TMEM87B: variants seen among roughly 807,000 people sequenced by gnomAD.
The protein encoded by TMEM87B is transmembrane protein 87B.
TMEM87B carries 83 observed loss-of-function variants against 80.3 expected under a neutral mutation model. The observed-to-expected ratio is 1.03, with a 90% CI of 0.87 to 1.24. The LOEUF is 1.24. TMEM87B is among the 50% of genes most tolerant of loss of function. The pLI, the probability that TMEM87B is intolerant of heterozygous loss-of-function variation, is 0.00. For missense variants in TMEM87B, 625 were observed against 674.4 expected (o/e 0.93, Z 0.81); for synonymous variants, 219 against 230.5 (o/e 0.95, Z 0.45).
In TMEM87B at chr2:112,055,579, C is replaced by G. The variant is rs1469167842; in HGVS notation, c.-13C>G. The G allele has an allele frequency of 6.7e-7, 1 of 1,502,856 alleles. No individual in the cohort carries two copies. Among genetic ancestry groups the G allele is most frequent in the Admixed American group, 2.1e-5 (1 of 47,506 alleles). 93.1% of individuals were successfully genotyped at this position (1,502,856 alleles called of 1,614,324 possible). On this transcript the variant is annotated 5_prime_UTR_variant, in exon 1 of 19. Coordinates refer to ENST00000283206, the MANE Select transcript of TMEM87B (RefSeq NM_032824.3). ...AGGCGTCTCGGAGCGCCAGGTGCAG[C>G]TTCCTGGTCAAGATGGTCGCCGCCT... is the stretch of plus-strand genomic sequence containing the variant.
chr2:112,093,197 T>G (rs183745734), intron 11 of TMEM87B, among the ~76,000 whole-genome samples: 57 of 152,324 alleles, frequency 3.7e-4, no homozygotes, highest in Admixed American at 3.7e-3. Flanking sequence ...CTGAGCCACT[T>G]GTGGGTTGTT....
intron 16 of TMEM87B, 55 bp downstream of exon 16, chr2:112,106,130 T>A: frequency 8.9e-7 from 1 of 1,126,120 alleles, no homozygotes; most frequent in Non-Finnish European, 1.2e-6. Context: ...TTCACTACTT[T>A]AGAGAGCTAT....
chr2:112,106,058 G>A lies in TMEM87B; in HGVS notation c.1507G>A (p.Ala503Thr), dbSNP rs868413197. The change falls in exon 16 of 19, where the codon GCC becomes ACC. Residue 503 changes from alanine to threonine, a missense_variant. Physicochemically the swap from Ala to Thr is moderately conservative, Grantham distance 58 (BLOSUM62 0). Coordinates refer to ENST00000283206, the MANE Select transcript of TMEM87B (RefSeq NM_032824.3). ...KSVSNGTAKPATSENFDEDLK... is the reference protein window; with the variant it reads ...KSVSNGTAKPTTSENFDEDLK... ...AGTTTCCAATGGAACAGCTAAGCCT[G>A]CCACTTCTGAGAACTTTGTGAGTAT... 2.6e-6 allele frequency: 4 copies of A among 1,562,530 alleles called. No individual in the cohort carries two copies. The highest frequency in any genetic ancestry group is 1.2e-5 in the South Asian group (1 of 81,824).
At chr2:112,093,986 A>ATT (rs1045951004) in intron 11 of TMEM87B, among the ~76,000 whole-genome samples, 34 of 152,158 alleles carry the variant, frequency 2.2e-4, no homozygotes, top group Non-Finnish European at 5.9e-5. Flanking sequence ...AAATGAGCTG[A>ATT]TTATATCTAT....
intron 4 of TMEM87B, among the ~76,000 whole-genome samples, chr2:112,071,201 T>G (rs4848992): frequency 4.0e-5 from 6 of 151,732 alleles, no homozygotes; most frequent in African/African-American, 1.5e-4. Context: ...CATTGTAGAG[T>G]TCATTCACCC....
intron 4 of TMEM87B, among the ~76,000 whole-genome samples, chr2:112,067,332 G>A (rs1678466408): frequency 1.3e-5 from 2 of 152,198 alleles, no homozygotes; most frequent in South Asian, 4.1e-4. Context: ...ACGTGGCTGG[G>A]CGCGGTGGCT....
rs6707489 is a variant in TMEM87B, at chr2:112,089,577, C to G, written c.939-48C>G. The G allele has an allele frequency of 1.9e-3, 2,938 of 1,559,526 alleles. 57 individuals are homozygous for G. The African/African-American group carries it at 0.035, about 19-fold the overall frequency. On this transcript the variant is annotated intron_variant, in intron 9 of 18. Transcript: ENST00000283206. ...AGTTACTGTATTCAGGTGCATTTTA[C>G]TCACCCATGCTTTTTCTTCTTTCTC...
chr2:112,072,652 T>G (rs1678686131), intron 4 of TMEM87B, among the ~76,000 whole-genome samples: 2 of 152,142 alleles, frequency 1.3e-5, no homozygotes, highest in Non-Finnish European at 2.9e-5. Context: ...TATTGGATCC[T>G]CTGTCTTTTC....
chr2:112,079,580 G>A (rs1017887149), intron 6 of TMEM87B, among the ~76,000 whole-genome samples: 2 of 152,206 alleles, frequency 1.3e-5, no homozygotes, highest in Non-Finnish European at 2.9e-5. Flanking sequence ...ACATGGGGGT[G>A]CAGACAGCTC....
intron 2 of TMEM87B, among the ~76,000 whole-genome samples, chr2:112,063,847 T>C (rs1308618298): frequency 1.3e-5 from 2 of 152,252 alleles, no homozygotes; most frequent in Non-Finnish European, 2.9e-5. Flanking sequence ...TCACTCAGTA[T>C]ATTTTGAATG....
intron 8 of TMEM87B, among the ~76,000 whole-genome samples, chr2:112,082,642 T>C (rs1679031150): frequency 6.6e-6 from 1 of 151,912 alleles, no homozygotes. Context: ...CACTACTCTG[T>C]AAGAAGTTTT....
intron 11 of TMEM87B, among the ~76,000 whole-genome samples, chr2:112,092,309 CAG>C (rs896725929): frequency 2.0e-5 from 3 of 152,110 alleles, no homozygotes; most frequent in African/African-American, 4.8e-5. Flanking sequence ...AGCAGGAAAA[CAG>C]AGGGGGACAG....
chr2:112,107,357 C>CAA (rs35280651), intron 16 of TMEM87B, among the ~76,000 whole-genome samples: 28,418 of 83,666 alleles, frequency 0.34, 4,205 homozygotes, highest in Middle Eastern at 0.5. Flanking sequence ...GACTCTGTCT[C>CAA]AAAAAAAAAA....
chr2:112,098,589 T>A lies in TMEM87B; in HGVS notation c.1273-6T>A. 6.2e-7 allele frequency: 1 copy of A among 1,613,920 alleles called. No homozygotes were observed. The highest frequency in any genetic ancestry group is 1.3e-5 in the African/African-American group (1 of 75,042). Reference sequence around the variant, plus strand: ...ACGTTTCATGCTTGAATTGTCCTTCTTTTAGGATTGGATGGAACGCTGGGT... The same window carrying A: ...ACGTTTCATGCTTGAATTGTCCTTCATTTAGGATTGGATGGAACGCTGGGT... On this transcript the variant is annotated splice_polypyrimidine_tract_variant and splice_region_variant and intron_variant, in intron 13 of 18. Coordinates refer to ENST00000283206, the MANE Select transcript of TMEM87B (RefSeq NM_032824.3).
chr2:112,087,818 A>G (rs10175143), intron 9 of TMEM87B, among the ~76,000 whole-genome samples: 75,612 of 151,838 alleles, frequency 0.5, 19,327 homozygotes, highest in East Asian at 0.87. Flanking sequence ...GTATTGCTCT[A>G]TTGAGACTGC....
chr2:112,097,286 C>T lies in TMEM87B; in HGVS notation c.1267C>T (p.Gln423Ter), dbSNP rs772593501. 6.9e-6 allele frequency: 11 copies of T among 1,603,426 alleles called. No homozygotes were observed. The highest frequency in any genetic ancestry group is 1.7e-5 in the Admixed American group (1 of 57,398). ...TTKTFRIAKC[Q>*]SDWMERWVDD... Reference sequence around the variant, plus strand: ...TAAGACATTTAGAATTGCAAAATGCCAATCAGTAAGTATAACCTTCCTATT... The same window carrying T: ...TAAGACATTTAGAATTGCAAAATGCTAATCAGTAAGTATAACCTTCCTATT... Residue 423 changes from glutamine to a stop codon, truncating the protein, a stop_gained, in exon 13 of 19, where the codon CAA (glutamine) becomes TAA (stop). Transcript: ENST00000283206. LOFTEE classifies it high-confidence loss of function.
chr2:112,056,235 A>AG (rs1251878369), intron 1 of TMEM87B, among the ~76,000 whole-genome samples: 2 of 152,070 alleles, frequency 1.3e-5, no homozygotes, highest in East Asian at 3.9e-4. Context: ...TTAAAAAAAA[A>AG]AAAGAAAGAA....
chr2:112,074,369 T>A (rs1678747584), intron 4 of TMEM87B, among the ~76,000 whole-genome samples: 1 of 152,214 alleles, frequency 6.6e-6, no homozygotes, highest in Non-Finnish European at 1.5e-5. Flanking sequence ...TTCTTTTGTT[T>A]AAGAATGTTG....
At chr2:112,078,420 C>T (rs1678885717) in intron 6 of TMEM87B, among the ~76,000 whole-genome samples, 1 of 152,186 alleles carries the variant, frequency 6.6e-6, no homozygotes, top group South Asian at 2.1e-4. Flanking sequence ...GGGACAACCA[C>T]TCTGCTCTCA....
Sources: allele counts gnomAD v4.1 joint callset (sites outside exome capture counted in the v4.1 genomes callset), GRCh38; gene constraint gnomAD v4.1.1; transcripts MANE v1.5; gene names NCBI Gene and HGNC (gene_info 2026-07-23, HGNC 2026-07-21).